PRICKLE2: variants seen among roughly 807,000 people sequenced by gnomAD.
PRICKLE2 encodes prickle-like protein 2.
A neutral mutation model predicts 81.4 loss-of-function variants in PRICKLE2; 21 were observed. The ratio of observed to expected loss-of-function variants is 0.26; its 90% CI spans 0.18 to 0.37. PRICKLE2 has a LOEUF of 0.37. Ranked by LOEUF, PRICKLE2 falls within the 10% of genes least tolerant of loss-of-function variation. The pLI, the probability that PRICKLE2 is intolerant of heterozygous loss-of-function variation, is 1.00. For synonymous variants in PRICKLE2, 456 were observed against 421.5 expected, an observed-to-expected ratio of 1.08 and a Z score of -1.00; for missense variants, 940 against 1,109.0, an observed-to-expected ratio of 0.85 and a Z score of 2.16.
In PRICKLE2 at chr3:64,259,276, GAT is replaced by G. The variant is rs560493185; in HGVS notation, c.129-60311_129-60310del. 1.7e-3 allele frequency among the ~76,000 whole-genome samples: 265 copies of G among 152,256 alleles called. 2 individuals are homozygous for G. The highest frequency in any genetic ancestry group is 6.0e-3 in the African/African-American group (251 of 41,530). On this transcript the variant is annotated intron_variant, in intron 2 of 8. Transcript: ENST00000295902. ...TATAACAGTAAGCCAATATTTACTT[GAT>G]ATTCACTTGTGCTAAGTGCACCACA...
chr3:64,221,842 A>G (rs1009550321), intron 1 of PRICKLE2, among the ~76,000 whole-genome samples: 8 of 152,224 alleles, frequency 5.3e-5, no homozygotes. Context: ...CGAGGCAGGC[A>G]GTGCAGTTGG....
At position 64,169,881 on chromosome 3, in the gene PRICKLE2, A is replaced by C. The variant is rs995085675; in HGVS notation, c.145-6752T>G. Among the ~76,000 whole-genome samples, 3 of 152,286 alleles carry C rather than the reference A, an allele frequency of 2.0e-5. No individual in the cohort carries two copies. The South Asian group carries it at 6.2e-4, about 32-fold the overall frequency. ...GAAGGCAGGTTGTACAGAGAAGGGA[A>C]AGATGCTGCCTGAATTTGCTGCACG... On this transcript the variant is annotated intron_variant, in intron 2 of 7. Transcript: ENST00000638394.
intron 2 of PRICKLE2, among the ~76,000 whole-genome samples, chr3:64,183,664 T>C (rs1163959033): frequency 1.3e-5 from 2 of 152,198 alleles, no homozygotes; most frequent in Non-Finnish European, 1.5e-5. Context: ...AACTCTATCA[T>C]CATCTTTCTT....
Position 64,176,255 on chromosome 3 carries a change from G to A in PRICKLE2, c.145-13126C>T, listed in dbSNP as rs1227989424. The stretch of plus-strand genomic sequence containing the variant: ...TCAGGTTCCGTTATTAGGAAAGGAG[G>A]AGATGCTAAAACTGGGTGACACCTA... On this transcript the variant is annotated intron_variant, in intron 2 of 7. Transcript: ENST00000638394. Among the ~76,000 whole-genome samples, 5 of 152,174 alleles carry A rather than the reference G, an allele frequency of 3.3e-5. 1 individual carries two copies. Among genetic ancestry groups the A allele is most frequent in the African/African-American group, 1.2e-4 (5 of 41,434 alleles).
chr3:64,125,446 T>C (rs2077091678), intron 7 of PRICKLE2, among the ~76,000 whole-genome samples: 1 of 152,170 alleles, frequency 6.6e-6, no homozygotes. Context: ...AGAAATCTTT[T>C]GTGAAAGGAA....
At chr3:64,193,713 T>C (rs984987605) in intron 2 of PRICKLE2, among the ~76,000 whole-genome samples, 15 of 152,276 alleles carry the variant, frequency 9.9e-5, no homozygotes, top group Admixed American at 2.6e-4. Context: ...AATTGAATCA[T>C]TGGGGCAGGT....
intron 5 of PRICKLE2, 25 bp downstream of exon 5, chr3:64,157,133 CAGGT>C (rs758160707): frequency 6.2e-7 from 1 of 1,603,866 alleles, no homozygotes; most frequent in Non-Finnish European, 8.5e-7. Context: ...GGGTGATGGG[CAGGT>C]AAACCTGCTG....
intron 2 of PRICKLE2, among the ~76,000 whole-genome samples, chr3:64,168,110 G>A (rs2077866036): frequency 1.3e-5 from 2 of 152,166 alleles, no homozygotes; most frequent in Non-Finnish European, 2.9e-5. Flanking sequence ...ACCAGCTCTG[G>A]CAAGAACAAG....
chr3:64,238,686 C>A (rs1170683123), intron 2 of PRICKLE2, among the ~76,000 whole-genome samples: 1 of 151,960 alleles, frequency 6.6e-6, no homozygotes, highest in Non-Finnish European at 1.5e-5. Flanking sequence ...CTGTCCCTAC[C>A]CCTTCTTATT....
intron 2 of PRICKLE2, among the ~76,000 whole-genome samples, chr3:64,259,216 A>G (rs932432684): frequency 6.6e-6 from 1 of 152,244 alleles, no homozygotes; most frequent in Non-Finnish European, 1.5e-5. Context: ...AAGGAACATG[A>G]TAACAGTGGC....
In PRICKLE2 at chr3:64,154,149, G is replaced by A. The variant is rs568569872; in HGVS notation, c.601-781C>T. Reference sequence around the variant, plus strand: ...GAAAAGGAGGCCAAGACCATTCCATGGGGAAAAGAATAGTTTTCTCAACAA... The same window carrying A: ...GAAAAGGAGGCCAAGACCATTCCATAGGGAAAAGAATAGTTTTCTCAACAA... On this transcript the variant is annotated intron_variant, in intron 5 of 7. Transcript: ENST00000638394. The A allele has an allele frequency of 2.0e-5, 3 of 152,356 alleles. No homozygotes were observed. The South Asian group carries it at 6.2e-4, about 32-fold the overall frequency. The allele number at this position is 152,356 out of a possible 1,614,324, so 9.4% of individuals were successfully genotyped here. A position where few individuals can be genotyped will look rare whatever the true frequency, so the allele number is the denominator to read the frequency against.
At chr3:64,192,201 G>C (rs992458660) in intron 2 of PRICKLE2, among the ~76,000 whole-genome samples, 1 of 152,150 alleles carries the variant, frequency 6.6e-6, no homozygotes, top group Non-Finnish European at 1.5e-5. Context: ...GAACATTTCT[G>C]GTTCTACAGA....
At chr3:64,103,363 A>C (rs1418284590) in intron 7 of PRICKLE2, 1 of 152,226 alleles carries the variant, frequency 6.6e-6, no homozygotes, top group East Asian at 1.9e-4. Context: ...GGAATATTAC[A>C]CAATAATGAG....
chr3:64,264,440 A>T (rs2079666721), intron 2 of PRICKLE2, among the ~76,000 whole-genome samples: 1 of 152,198 alleles, frequency 6.6e-6, no homozygotes, highest in Non-Finnish European at 1.5e-5. Context: ...ATGCACTATA[A>T]AGTCTGAGAA....
chr3:64,230,838 A>C (rs537991494), intron 2 of PRICKLE2, among the ~76,000 whole-genome samples: 1 of 152,184 alleles, frequency 6.6e-6, no homozygotes, highest in Non-Finnish European at 1.5e-5. Context: ...AGTACCTAGC[A>C]TATAGTAGGT....
chr3:64,098,928 C>T lies in PRICKLE2; in HGVS notation c.*123G>A. On this transcript the variant is annotated 3_prime_UTR_variant, in exon 8 of 8. Coordinates refer to ENST00000638394, the MANE Select transcript of PRICKLE2 (RefSeq NM_198859.4). Reference sequence around the variant, plus strand: ...CTGTAACCTTGCCTCCATCTACTGACAGCATTTTCCCTTTTCTCCCCCATA... The same window carrying T: ...CTGTAACCTTGCCTCCATCTACTGATAGCATTTTCCCTTTTCTCCCCCATA... The T allele has an allele frequency of 9.1e-7, 1 of 1,098,922 alleles. No individual in the cohort carries two copies. The allele number at this position is 1,098,922 out of a possible 1,614,324, so 68.1% of individuals were successfully genotyped here.
rs571485183 is a variant in PRICKLE2, at chr3:64,266,197, A to G, written c.129-67230T>C. ...TTAATCATCTCCAAGCCTCCACCGC[A>G]AAAGAAAAAAAAAAAAGCTAAACCA... On this transcript the variant is annotated intron_variant, in intron 2 of 8. Coordinates refer to the PRICKLE2 transcript ENST00000295902. Among the ~76,000 whole-genome samples, 4 of 94,502 alleles carry G rather than the reference A, an allele frequency of 4.2e-5. No individual in the cohort carries two copies. The South Asian group carries it at 1.8e-3, about 42-fold the overall frequency. The allele number at this position is 94,502 out of a possible 152,430, so 62.0% of individuals were successfully genotyped here. A position where few individuals can be genotyped will look rare whatever the true frequency, so the allele number is the denominator to read the frequency against.
intron 2 of PRICKLE2, among the ~76,000 whole-genome samples, chr3:64,170,703 TAA>T (rs770744864): frequency 1.2e-3 from 141 of 113,382 alleles, no homozygotes; most frequent in Admixed American, 2.6e-3. Flanking sequence ...CTAGAAACAT[TAA>T]AAAAAAAAAA....
At chr3:64,182,653 T>A (rs1445269049) in intron 2 of PRICKLE2, 1 of 152,120 alleles carries the variant, frequency 6.6e-6, no homozygotes, top group Non-Finnish European at 1.5e-5. Context: ...ATCCTGAACA[T>A]TTCAGCCTCT....
Sources: gnomAD v4.1 joint callset for allele counts (sites outside exome capture counted in the v4.1 genomes callset) on GRCh38, gnomAD v4.1.1 for gene constraint, MANE v1.5 for transcripts, NCBI Gene and HGNC (gene_info 2026-07-23, HGNC 2026-07-21) for gene names.